Variants in PIK3C3 observed in about 807,000 individuals in gnomAD.
PIK3C3 encodes the protein phosphatidylinositol 3-kinase catalytic subunit type 3.
A neutral mutation model predicts 126.1 loss-of-function variants in PIK3C3; 95 were observed. The observed-to-expected ratio is 0.75, with a 90% confidence interval of 0.64 to 0.89. The LOEUF (loss-of-function observed/expected upper bound fraction) is 0.89. Among genes scored for constraint, PIK3C3 ranks in the 40% least tolerant of loss-of-function variants. The pLI is 0.00. For missense variants in PIK3C3, 829 were observed against 1,063.2 expected, an observed-to-expected ratio of 0.78 and a Z score of 3.06; for synonymous variants, 374 against 360.0, an observed-to-expected ratio of 1.04 and a Z score of -0.44.
At chr18:41,978,226 A>AT (rs778081473) in intron 4 of PIK3C3, among the ~76,000 whole-genome samples, 1 of 152,216 alleles carries the variant, frequency 6.6e-6, no homozygotes, top group Non-Finnish European at 1.5e-5. Flanking sequence ...AACTGCTGGG[A>AT]TTACAGGCAT....
intron 14 of PIK3C3, 73 bp downstream of exon 14, chr18:42,027,621 A>T (rs1983630541): frequency 2.7e-6 from 2 of 732,698 alleles, no homozygotes; most frequent in East Asian, 5.6e-5. Context: ...GTTTAGGAAC[A>T]TCCCATGAGC....
chr18:42,011,187 T>C (rs1200799656), intron 10 of PIK3C3, among the ~76,000 whole-genome samples: 1 of 152,188 alleles, frequency 6.6e-6, no homozygotes, highest in Non-Finnish European at 1.5e-5. Context: ...AAATGACGAA[T>C]GAGCAGTGGC....
intron 6 of PIK3C3, among the ~76,000 whole-genome samples, chr18:41,991,244 C>A (rs1236130546): frequency 6.6e-6 from 1 of 152,048 alleles, no homozygotes; most frequent in African/African-American, 2.4e-5. Context: ...TGTATGCAGG[C>A]CAGGTGTGGT....
At chr18:41,974,776 C>T (rs1980832603) in intron 4 of PIK3C3, among the ~76,000 whole-genome samples, 1 of 152,094 alleles carries the variant, frequency 6.6e-6, no homozygotes, top group Non-Finnish European at 1.5e-5. Context: ...TTCAGCTTGT[C>T]ATATTATAAG....
intron 1 of PIK3C3, among the ~76,000 whole-genome samples, chr18:41,957,014 C>T (rs1308105285): frequency 6.6e-6 from 1 of 151,892 alleles, no homozygotes; most frequent in East Asian, 1.9e-4. Context: ...AATGATCAGA[C>T]AATGCATATG....
chr18:42,004,268 C>T (rs1169078576), intron 9 of PIK3C3, 88 bp from the exon 10 acceptor site: 10 of 953,590 alleles, frequency 1.0e-5, no homozygotes, highest in Non-Finnish European at 1.6e-5. Context: ...GTGGCTCTGT[C>T]ATTAGGACCT....
At chr18:42,031,630 G>A (rs1983833648) in intron 15 of PIK3C3, among the ~76,000 whole-genome samples, 1 of 152,086 alleles carries the variant, frequency 6.6e-6, no homozygotes, top group African/African-American at 2.4e-5. Flanking sequence ...CTGTTGGCCA[G>A]GCTGATCTCA....
intron 12 of PIK3C3, among the ~76,000 whole-genome samples, chr18:42,017,109 T>C (rs1017652806): frequency 6.6e-6 from 1 of 152,098 alleles, no homozygotes; most frequent in Non-Finnish European, 1.5e-5. Flanking sequence ...GGCAATCATT[T>C]TGAGTGATAT....
At chr18:42,051,286 A>C (rs1017764503) in intron 21 of PIK3C3, 2 of 152,238 alleles carry the variant, frequency 1.3e-5, no homozygotes, top group African/African-American at 4.8e-5. Context: ...GTGTTGAATT[A>C]ATGATGAATA....
intron 5 of PIK3C3, among the ~76,000 whole-genome samples, chr18:41,988,496 A>G (rs991873545): frequency 6.6e-6 from 1 of 152,134 alleles, no homozygotes; most frequent in Admixed American, 6.6e-5. Flanking sequence ...TGTTAGGCCT[A>G]ATGTTCCACA....
intron 23 of PIK3C3, among the ~76,000 whole-genome samples, chr18:42,066,476 A>C (rs891019980): frequency 6.6e-6 from 1 of 152,172 alleles, no homozygotes; most frequent in Non-Finnish European, 1.5e-5. Flanking sequence ...AGAAAGGAGT[A>C]GTCTGTAATG....
intron 7 of PIK3C3, among the ~76,000 whole-genome samples, chr18:41,995,583 A>G (rs1313847678): frequency 6.6e-6 from 1 of 152,146 alleles, no homozygotes; most frequent in African/African-American, 2.4e-5. Context: ...AAGATTTTAC[A>G]GTGATGGTGA....
chr18:42,059,802 C>G (rs986692614), intron 22 of PIK3C3: 17 of 149,808 alleles, frequency 1.1e-4, no homozygotes, highest in African/African-American at 4.2e-4. Context: ...CAGGTTGTCA[C>G]TGTCGCCCAG....
In PIK3C3 at chr18:42,015,574, C is replaced by T; in HGVS notation, c.1416+8C>T. The T allele has an allele frequency of 6.2e-7, 1 of 1,601,484 alleles. No homozygotes were observed. Among genetic ancestry groups the T allele is most frequent in the African/African-American group, 1.3e-5 (1 of 74,742 alleles). On this transcript the variant is annotated splice_region_variant and intron_variant, in intron 12 of 24. Transcript: ENST00000262039. ...GATGGCGAAAATCTGGAAGTGAGTA[C>T]AAAGCTTTTCCAGCTTCCTATAGGA...
At position 42,013,538 on chromosome 18, in the gene PIK3C3, C is replaced by CA; in HGVS notation, c.1268dup (p.Ser424GlufsTer19). 2 of 1,602,690 alleles carry CA rather than the reference C, an allele frequency of 1.2e-6. No individual in the cohort carries two copies. Among genetic ancestry groups the CA allele is most frequent in the Non-Finnish European group, 1.7e-6 (2 of 1,173,144 alleles). On this transcript the variant is annotated frameshift_variant, in exon 11 of 25. Coordinates refer to ENST00000262039, the MANE Select transcript of PIK3C3 (RefSeq NM_002647.4). LOFTEE classifies it high-confidence loss of function. ...ATTGGAACCTACCAAGAAGGATAGT[C>CA]AGAGTTCAGTGTCAGAAAATGTGTC...
intron 13 of PIK3C3, among the ~76,000 whole-genome samples, chr18:42,021,380 C>T (rs1014907070): frequency 6.6e-6 from 1 of 151,960 alleles, no homozygotes; most frequent in African/African-American, 2.4e-5. Flanking sequence ...CTTTATTTGC[C>T]CCAGAATCCT....
chr18:42,082,461 A>G lies in PIK3C3; in HGVS notation c.*1324A>G, dbSNP rs1598969034. On this transcript the variant is annotated 3_prime_UTR_variant, in exon 25 of 25. Coordinates refer to ENST00000262039, the MANE Select transcript of PIK3C3 (RefSeq NM_002647.4). ...TACCTGCTGATTAGAAAAATGGTAA[A>G]AATGAAAATACCTTTGTACATCATC... 1 of 152,326 alleles carries G rather than the reference A, an allele frequency of 6.6e-6. No individual in the cohort carries two copies. The highest frequency in any genetic ancestry group is 1.9e-4 in the East Asian group (1 of 5,190). The allele number at this position is 152,326 out of a possible 1,614,324, so 9.4% of individuals were successfully genotyped here.
intron 2 of PIK3C3, among the ~76,000 whole-genome samples, chr18:41,959,556 A>T (rs963101816): frequency 1.3e-5 from 2 of 152,082 alleles, no homozygotes; most frequent in Admixed American, 6.6e-5. Context: ...GGCTTTTTAA[A>T]AAAATACTGT....
Position 42,081,424 on chromosome 18 carries a change from G to C in PIK3C3, c.*287G>C, listed in dbSNP as rs1986247080. 3.1e-6 allele frequency: 1 copy of C among 326,002 alleles called. No homozygotes were observed. The highest frequency in any genetic ancestry group is 4.5e-5 in the East Asian group (1 of 22,314). 20.2% of individuals were successfully genotyped at this position (326,002 alleles called of 1,614,324 possible). A position where few individuals can be genotyped will look rare whatever the true frequency, so the allele number is the denominator to read the frequency against. On this transcript the variant is annotated 3_prime_UTR_variant, in exon 25 of 25. Transcript: ENST00000262039. ...ACATTCTTATTTATGTACATGTTATGAGAGTTCTGGAGGAAGTAATATGTT... is the reference window on the plus strand; with the variant it reads ...ACATTCTTATTTATGTACATGTTATCAGAGTTCTGGAGGAAGTAATATGTT...
Sources: gnomAD v4.1 joint callset for allele counts (sites outside exome capture counted in the v4.1 genomes callset) on GRCh38, gnomAD v4.1.1 for gene constraint, MANE v1.5 for transcripts, NCBI Gene and HGNC (gene_info 2026-07-23, HGNC 2026-07-21) for gene names.